The following ORAI2 variants were observed in gnomAD, a reference collection of about 807,000 sequenced individuals.
ORAI2 encodes the protein ORAI calcium release-activated calcium modulator 2.
In ORAI2, 10 loss-of-function variants were observed where a neutral mutation model predicts 16.2. That is an observed-to-expected ratio of 0.62 (90% CI 0.38 to 1.04). The LOEUF (loss-of-function observed/expected upper bound fraction) is 1.04, where lower values mean the gene tolerates loss of function less well. Ranked by LOEUF, ORAI2 falls within the 50% of genes least tolerant of loss-of-function variation. The pLI is 0.01. For synonymous variants in ORAI2, 150 were observed against 157.5 expected (o/e 0.95, Z 0.35); for missense variants, 238 against 355.5 (o/e 0.67, Z 2.66).
rs1011467910 is a variant in ORAI2, at chr7:102,447,401, A to G, written c.*349A>G. On this transcript the variant is annotated 3_prime_UTR_variant, in exon 4 of 4. Coordinates refer to ENST00000495936, the MANE Select transcript of ORAI2 (RefSeq NM_001126340.3). Reference sequence around the variant, plus strand: ...GGTCCGGGGGAGTCTCAGACCCGGCATGCGTGGCTGGCAGACCTGGGAGAG... The same window carrying G: ...GGTCCGGGGGAGTCTCAGACCCGGCGTGCGTGGCTGGCAGACCTGGGAGAG... The G allele has an allele frequency of 2.7e-5, 7 of 260,376 alleles. No homozygotes were observed. Among genetic ancestry groups the G allele is most frequent in the African/African-American group, 6.7e-5 (3 of 44,680 alleles). The allele number at this position is 260,376 out of a possible 1,614,324, so 16.1% of individuals were successfully genotyped here. A position where few individuals can be genotyped will look rare whatever the true frequency, so the allele number is the denominator to read the frequency against.
intron 3 of ORAI2, among the ~76,000 whole-genome samples, chr7:102,446,254 G>A (rs1251793022): frequency 1.3e-5 from 2 of 152,240 alleles, no homozygotes; most frequent in African/African-American, 2.4e-5. Flanking sequence ...GGCCTCTTCT[G>A]TACTGTTGAG....
At chr7:102,444,380 G>C (rs988197593) in intron 3 of ORAI2, among the ~76,000 whole-genome samples, 11 of 151,714 alleles carry the variant, frequency 7.3e-5, no homozygotes, top group African/African-American at 2.7e-4. Flanking sequence ...AGCCTCCCAA[G>C]TAGCTGGGAT....
In ORAI2 at chr7:102,447,108, G is replaced by C. The variant is rs189694497; in HGVS notation, c.*56G>C. 4.1e-6 allele frequency: 6 copies of C among 1,450,868 alleles called. 1 individual carries two copies. Among genetic ancestry groups the C allele is most frequent in the Middle Eastern group, 4.5e-4 (2 of 4,406 alleles). The allele number at this position is 1,450,868 out of a possible 1,614,324, so 89.9% of individuals were successfully genotyped here. A position where few individuals can be genotyped will look rare whatever the true frequency, so the allele number is the denominator to read the frequency against. Reference sequence around the variant, plus strand: ...TGTGCCCGGGAGTCCGCAGAGGCGGGGATTTGTCAGATGCAGACATTTTGC... The same window carrying C: ...TGTGCCCGGGAGTCCGCAGAGGCGGCGATTTGTCAGATGCAGACATTTTGC... On this transcript the variant is annotated 3_prime_UTR_variant, in exon 4 of 4. Coordinates refer to ENST00000495936, the MANE Select transcript of ORAI2 (RefSeq NM_001126340.3).
At chr7:102,443,229 T>A (rs1797262061) in intron 3 of ORAI2, among the ~76,000 whole-genome samples, 1 of 150,178 alleles carries the variant, frequency 6.7e-6, no homozygotes, top group South Asian at 2.1e-4. Context: ...CTTCCCAAAG[T>A]GCTGAGATCA....
chr7:102,437,837 G>C (rs1162769131), intron 2 of ORAI2, among the ~76,000 whole-genome samples: 3 of 152,104 alleles, frequency 2.0e-5, no homozygotes, highest in Non-Finnish European at 2.9e-5. Flanking sequence ...GATCACTTGA[G>C]GCTAGGAGTT....
chr7:102,434,385 C>G (rs1369943706), intron 1 of ORAI2, among the ~76,000 whole-genome samples: 1 of 152,182 alleles, frequency 6.6e-6, no homozygotes, highest in African/African-American at 2.4e-5. Context: ...TCTCAAGACC[C>G]AGCTCCAGGC....
rs373975720 is a variant in ORAI2, at chr7:102,446,905, C to A, written c.618C>A (p.Pro206=). The A allele has an allele frequency of 4.3e-6, 7 of 1,613,170 alleles. No individual in the cohort carries two copies. In the African/African-American group the frequency reaches 8.0e-5, roughly 18 times the overall value. The change falls in exon 4 of 4, where the codon CCC becomes CCA. Residue 206 remains proline (P), a synonymous_variant. Transcript: ENST00000495936. ...AALVSTIIMV[P]VGLIFVVFTI... ...TGGTGTCCACCATCATCATGGTGCC[C>A]GTGGGCCTCATCTTCGTGGTCTTCA...
chr7:102,440,625 C>T (rs1447504816), intron 3 of ORAI2, among the ~76,000 whole-genome samples: 1 of 152,146 alleles, frequency 6.6e-6, no homozygotes, highest in Admixed American at 6.6e-5. Context: ...GCCTCTACCT[C>T]CTGAGCTCAA....
At position 102,455,674 on chromosome 7, in the gene ORAI2, T is replaced by G. The variant is rs772896346; in HGVS notation, c.*8622T>G. 9 of 152,302 alleles carry G rather than the reference T, an allele frequency of 5.9e-5. No homozygotes were observed. Among genetic ancestry groups the G allele is most frequent in the Admixed American group, 1.3e-4 (2 of 15,276 alleles). The allele number at this position is 152,302 out of a possible 1,614,324, so 9.4% of individuals were successfully genotyped here. On this transcript the variant is annotated 3_prime_UTR_variant, in exon 4 of 4. Transcript: ENST00000495936. ...CAGTGCAGTGAGGATCAGCTGGAGC[T>G]CCGACCTGACTCACATCTGGATGCG...
chr7:102,434,441 C>G (rs1407880634), intron 1 of ORAI2, among the ~76,000 whole-genome samples: 1 of 152,226 alleles, frequency 6.6e-6, no homozygotes, highest in East Asian at 1.9e-4. Flanking sequence ...CTGGGGACAT[C>G]TGCAGGGCCT....
chr7:102,436,584 C>T (rs867978124), intron 2 of ORAI2, among the ~76,000 whole-genome samples: 5 of 152,188 alleles, frequency 3.3e-5, no homozygotes, highest in African/African-American at 7.2e-5. Flanking sequence ...CCCACTCCAC[C>T]CGTCCACCCC....
intron 1 of ORAI2, among the ~76,000 whole-genome samples, chr7:102,435,027 T>G (rs1397548225): frequency 6.6e-6 from 1 of 152,162 alleles, no homozygotes; most frequent in Non-Finnish European, 1.5e-5. Context: ...CTCAGCACTT[T>G]GGGAGGCCAA....
chr7:102,439,419 C>G (rs1797140512), intron 3 of ORAI2, among the ~76,000 whole-genome samples: 1 of 152,132 alleles, frequency 6.6e-6, no homozygotes. Flanking sequence ...CCACTTTGTC[C>G]TGTTCACATC....
rs1209981412 is a variant in ORAI2, at chr7:102,447,004, G to A, written c.717G>A (p.Lys239=). The A allele has an allele frequency of 4.4e-6, 7 of 1,580,070 alleles. No individual in the cohort carries two copies. Among genetic ancestry groups the A allele is most frequent in the Middle Eastern group, 1.7e-4 (1 of 6,052 alleles). The change falls in exon 4 of 4, where the codon AAG becomes AAA. Residue 239 remains lysine, a synonymous_variant. Transcript: ENST00000495936. ...RHNREIEELH[K]LKVQLDGHER... Reference sequence around the variant, plus strand: ...ACCGCGAGATCGAGGAGCTCCACAAGCTCAAGGTCCAGCTGGACGGGCATG... The same window carrying A: ...ACCGCGAGATCGAGGAGCTCCACAAACTCAAGGTCCAGCTGGACGGGCATG...
intron 3 of ORAI2, among the ~76,000 whole-genome samples, chr7:102,445,144 G>A (rs1586715147): frequency 6.6e-6 from 1 of 152,338 alleles, no homozygotes; most frequent in East Asian, 1.9e-4. Context: ...CACCTTTCCC[G>A]AGCTTTAGAG....
In ORAI2 at chr7:102,446,794, C is replaced by A; in HGVS notation, c.507C>A (p.Cys169Ter). The A allele has an allele frequency of 6.2e-7, 1 of 1,614,142 alleles. No individual in the cohort carries two copies. The highest frequency in any genetic ancestry group is 8.5e-7 in the Non-Finnish European group (1 of 1,180,040). Residue 169 changes from cysteine to a stop codon, truncating the protein, a stop_gained, in exon 4 of 4, where the codon TGC becomes TGA. Coordinates refer to ENST00000495936, the MANE Select transcript of ORAI2 (RefSeq NM_001126340.3). LOFTEE classifies it high-confidence loss of function. ...TCCTGGCCGAGGTGGTGCTGCTCTG[C>A]TGGATCAAGTTCCTCCCCGTGGATG... is the stretch of plus-strand genomic sequence containing the variant. ...LLFLAEVVLLCWIKFLPVDAR... is the reference protein window; with the variant it reads ...LLFLAEVVLL
Position 102,440,815 on chromosome 7 carries a change from G to A in ORAI2, c.225+1634G>A, listed in dbSNP as rs148272346. Among the ~76,000 whole-genome samples, 580 of 152,000 alleles carry A rather than the reference G, an allele frequency of 3.8e-3. 6 individuals carry two copies. Among genetic ancestry groups the A allele is most frequent in the African/African-American group, 0.013 (553 of 41,452 alleles). On this transcript the variant is annotated intron_variant, in intron 3 of 3. Coordinates refer to ENST00000495936, the MANE Select transcript of ORAI2 (RefSeq NM_001126340.3). ...AACTCTCAAGTGATTTTCCCACCTC[G>A]GCCTCCCAAAGTGCTAGCATTGCAC...
intron 1 of ORAI2, chr7:102,434,669 T>C (rs1457310871): frequency 6.6e-6 from 1 of 152,504 alleles, no homozygotes; most frequent in Admixed American, 6.5e-5. Context: ...TGAACTGTGG[T>C]CCCAAACCAG....
At chr7:102,434,605 C>G (rs1209683428) in intron 1 of ORAI2, 1 of 152,838 alleles carries the variant, frequency 6.5e-6, no homozygotes, top group Non-Finnish European at 1.5e-5. Flanking sequence ...TTGGAGGCCA[C>G]CAGGCTCTCC....
Sources: gnomAD v4.1 joint callset for allele counts (sites outside exome capture counted in the v4.1 genomes callset) on GRCh38, gnomAD v4.1.1 for gene constraint, MANE v1.5 for transcripts, NCBI Gene and HGNC (gene_info 2026-07-23, HGNC 2026-07-21) for gene names.